The following OSBP2 variants were observed in gnomAD, a reference collection of about 807,000 sequenced individuals.
OSBP2 encodes the protein oxysterol-binding protein 2.
In OSBP2, 66 loss-of-function variants were observed where a neutral mutation model predicts 96.0. That is an observed-to-expected ratio of 0.69 (90% CI 0.56 to 0.84). OSBP2 has a LOEUF of 0.84. Ranked by LOEUF, OSBP2 falls within the 40% of genes least tolerant of loss-of-function variation. The pLI is 0.00. For synonymous variants in OSBP2, 525 were observed against 520.9 expected (o/e 1.01, Z -0.11); for missense variants, 1,038 against 1,222.7 (o/e 0.85, Z 2.25).
intron 2 of OSBP2, among the ~76,000 whole-genome samples, chr22:30,787,000 G>A (rs1296251072): frequency 2.0e-5 from 3 of 152,024 alleles, no homozygotes; most frequent in Non-Finnish European, 4.4e-5. Flanking sequence ...CGGTTTCACT[G>A]TGTTAGCCAG....
At chr22:30,716,153 T>A (rs1024119789) in intron 1 of OSBP2, among the ~76,000 whole-genome samples, 1 of 151,806 alleles carries the variant, frequency 6.6e-6, no homozygotes, top group Non-Finnish European at 1.5e-5. Context: ...GTGATTCTTC[T>A]GCCTCAGCCT....
chr22:30,815,321 C>T (rs1473639825), intron 2 of OSBP2, among the ~76,000 whole-genome samples: 1 of 152,156 alleles, frequency 6.6e-6, no homozygotes, highest in Admixed American at 6.5e-5. Flanking sequence ...TTGGGCTCCA[C>T]TACCCTGACT....
At chr22:30,891,089 C>G in intron 8 of OSBP2, 116 bp downstream of exon 8, 1 of 1,266,612 alleles carries the variant, frequency 7.9e-7, no homozygotes, top group Middle Eastern at 2.7e-4. Flanking sequence ...ACTGCCCATA[C>G]CCAAGGGGCC....
chr22:30,866,337 G>C (rs969806706), intron 2 of OSBP2, among the ~76,000 whole-genome samples: 1 of 152,250 alleles, frequency 6.6e-6, no homozygotes. Flanking sequence ...GCCTGCAGAA[G>C]CTAGAAAAGG....
intron 12 of OSBP2, chr22:30,902,576 G>A: frequency 1.1e-6 from 1 of 897,316 alleles, no homozygotes; most frequent in Non-Finnish European, 1.8e-6. Context: ...GCCCCCAACT[G>A]GGCAGCCACT....
chr22:30,800,494 C>T (rs780779812), intron 2 of OSBP2, among the ~76,000 whole-genome samples: 76 of 152,170 alleles, frequency 5.0e-4, no homozygotes, highest in Non-Finnish European at 4.9e-4. Context: ...GCTGGGAGGG[C>T]GGACGGGGGA....
chr22:30,720,454 C>A (rs2089530591), intron 1 of OSBP2, among the ~76,000 whole-genome samples: 2 of 152,138 alleles, frequency 1.3e-5, no homozygotes, highest in African/African-American at 4.8e-5. Flanking sequence ...CTCCAAAGGG[C>A]CGCTCGAGTG....
chr22:30,730,765 T>TC lies in OSBP2; in HGVS notation c.645-10395dup, dbSNP rs1475200817. The stretch of plus-strand genomic sequence containing the variant: ...CTCTCTCTCTCTCTCTCTCTCTCTC[T>TC]CTCTCTCTCTATATATATATATATA... On this transcript the variant is annotated intron_variant, in intron 1 of 13. Transcript: ENST00000332585. 5.8e-3 allele frequency among the ~76,000 whole-genome samples: 294 copies of TC among 50,296 alleles called. 24 individuals are homozygous for TC. Among genetic ancestry groups the TC allele is most frequent in the Non-Finnish European group, 8.3e-3 (229 of 27,618 alleles). 33.0% of individuals were successfully genotyped at this position (50,296 alleles called of 152,430 possible). A position where few individuals can be genotyped will look rare whatever the true frequency, so the allele number is the denominator to read the frequency against.
intron 2 of OSBP2, among the ~76,000 whole-genome samples, chr22:30,793,681 C>A (rs1307172465): frequency 6.6e-6 from 1 of 152,024 alleles, no homozygotes; most frequent in Non-Finnish European, 1.5e-5. Context: ...CAGAGCCAGA[C>A]CTTGTCTCAA....
intron 2 of OSBP2, among the ~76,000 whole-genome samples, chr22:30,853,702 C>G (rs1460886902): frequency 2.6e-5 from 4 of 151,634 alleles, no homozygotes; most frequent in Non-Finnish European, 5.9e-5. Flanking sequence ...TTCCTCCATT[C>G]CTGTTGTTTT....
At chr22:30,822,516 G>A in intron 2 of OSBP2, 3 of 1,371,196 alleles carry the variant, frequency 2.2e-6, no homozygotes, top group Non-Finnish European at 1.9e-6. Context: ...CGGGACCCAC[G>A]AGTGTCCGCC....
At chr22:30,884,962 G>C (rs113397923) in intron 3 of OSBP2, among the ~76,000 whole-genome samples, 1 of 152,242 alleles carries the variant, frequency 6.6e-6, no homozygotes, top group Non-Finnish European at 1.5e-5. Context: ...CTGGGAGAGC[G>C]ATGCTGCAGA....
chr22:30,868,959 C>T (rs1472296466), intron 2 of OSBP2, among the ~76,000 whole-genome samples: 1 of 152,232 alleles, frequency 6.6e-6, no homozygotes, highest in Non-Finnish European at 1.5e-5. Flanking sequence ...TAGTTTTTAG[C>T]TGATTATTTC....
chr22:30,800,847 G>A (rs985012818), intron 2 of OSBP2, among the ~76,000 whole-genome samples: 1 of 152,060 alleles, frequency 6.6e-6, no homozygotes, highest in South Asian at 2.1e-4. Flanking sequence ...TGAATCTTTT[G>A]GGGTCTTCAA....
At chr22:30,814,873 C>G (rs2146965706) in intron 2 of OSBP2, among the ~76,000 whole-genome samples, 1 of 152,320 alleles carries the variant, frequency 6.6e-6, no homozygotes, top group Admixed American at 6.5e-5. Context: ...AAGTAAAGCT[C>G]AGAGAGGCTT....
At chr22:30,859,185 A>G (rs935308714) in intron 2 of OSBP2, among the ~76,000 whole-genome samples, 2 of 152,102 alleles carry the variant, frequency 1.3e-5, no homozygotes, top group Non-Finnish European at 1.5e-5. Flanking sequence ...TCCAAGGAGA[A>G]GCCGCGCTGG....
chr22:30,864,628 C>G (rs2039292219), intron 2 of OSBP2, among the ~76,000 whole-genome samples: 1 of 152,108 alleles, frequency 6.6e-6, no homozygotes, highest in Non-Finnish European at 1.5e-5. Flanking sequence ...GCGCAGCTCC[C>G]AGCATCCTCC....
At chr22:30,771,414 G>C (rs1336842111) in intron 2 of OSBP2, among the ~76,000 whole-genome samples, 1 of 152,254 alleles carries the variant, frequency 6.6e-6, no homozygotes, top group African/African-American at 2.4e-5. Flanking sequence ...GTGCTGGGGA[G>C]GGCCTGATGA....
At chr22:30,889,359 C>G (rs2039891620) in intron 6 of OSBP2, 125 bp downstream of exon 6, 1 of 1,418,358 alleles carries the variant, frequency 7.1e-7, no homozygotes, top group African/African-American at 1.4e-5. Context: ...GGAGCACCAT[C>G]CTGGCCTTCC....
Sources: allele counts gnomAD v4.1 joint callset (sites outside exome capture counted in the v4.1 genomes callset), GRCh38; gene constraint gnomAD v4.1.1; transcripts MANE v1.5; gene names NCBI Gene and HGNC (gene_info 2026-07-23, HGNC 2026-07-21).